Variants in CASK observed in about 807,000 individuals in gnomAD.
CASK encodes the protein peripheral plasma membrane protein CASK.
Under a neutral mutation model 82.9 loss-of-function variants are expected in CASK, and 4 were observed. The ratio of observed to expected loss-of-function variants is 0.05; its 90% CI spans 0.02 to 0.11. The LOEUF (loss-of-function observed/expected upper bound fraction) is 0.11. Among genes scored for constraint, CASK ranks in the 10% least tolerant of loss-of-function variants. The pLI is 1.00. For synonymous variants in CASK, 259 were observed against 253.5 expected (o/e 1.02, Z -0.20); for missense variants, 358 against 720.9 (o/e 0.50, Z 5.76).
intron 5 of CASK, among the ~76,000 whole-genome samples, chrX:41,734,698 C>T (rs935835970): frequency 9.0e-6 from 1 of 111,099 alleles, no homozygotes; most frequent in African/African-American, 3.3e-5. Flanking sequence ...TGTTTGGAGA[C>T]ATTTTTGGTT....
intron 5 of CASK, among the ~76,000 whole-genome samples, chrX:41,688,818 G>A (rs1003260319): frequency 2.1e-4 from 23 of 109,328 alleles, no homozygotes; most frequent in African/African-American, 7.7e-4. Context: ...CTAAAGTTCA[G>A]TGTTGGTTGA....
chrX:41,876,003 G>C (rs1206562291), intron 1 of CASK, among the ~76,000 whole-genome samples: 1 of 111,294 alleles, frequency 9.0e-6, no homozygotes, highest in Non-Finnish European at 1.9e-5. Context: ...AATCCAAGTA[G>C]TCAAAAGCAT....
intron 3 of CASK, among the ~76,000 whole-genome samples, chrX:41,771,391 T>C (rs908026131): frequency 6.3e-5 from 7 of 111,839 alleles, no homozygotes; most frequent in African/African-American, 2.3e-4. Context: ...TTAGAGATGC[T>C]GAAAGAATAA....
At chrX:41,819,021 CA>C (rs1165079390) in intron 2 of CASK, among the ~76,000 whole-genome samples, 1 of 111,413 alleles carries the variant, frequency 9.0e-6, no homozygotes, top group Non-Finnish European at 1.9e-5. Context: ...ATTCATAAAA[CA>C]ATACGTCGAC....
chrX:41,875,282 T>C (rs1209264936), intron 1 of CASK, among the ~76,000 whole-genome samples: 2 of 111,905 alleles, frequency 1.8e-5, no homozygotes, highest in African/African-American at 3.2e-5. Flanking sequence ...TTTCAGTGAG[T>C]CTTCTTTACC....
At chrX:41,609,009 T>C (rs1387683642) in intron 12 of CASK, among the ~76,000 whole-genome samples, 1 of 112,727 alleles carries the variant, frequency 8.9e-6, no homozygotes, top group African/African-American at 3.2e-5. Flanking sequence ...CACATACCAC[T>C]TGCATGCATT....
chrX:41,792,010 T>C (rs948458196), intron 2 of CASK, among the ~76,000 whole-genome samples: 3 of 111,459 alleles, frequency 2.7e-5, no homozygotes, highest in African/African-American at 9.8e-5. Flanking sequence ...GAAATCAACC[T>C]GCCATATGGC....
At chrX:41,908,354 C>T (rs899404907) in intron 1 of CASK, among the ~76,000 whole-genome samples, 5 of 111,945 alleles carry the variant, frequency 4.5e-5, no homozygotes, top group African/African-American at 9.8e-5. Flanking sequence ...CCAGCCTGGG[C>T]GACAGAACAA....
At chrX:41,823,564 G>A (rs5963277) in intron 2 of CASK, among the ~76,000 whole-genome samples, 1,142 of 110,717 alleles carry the variant, frequency 0.01, 14 homozygotes, top group African/African-American at 0.035. Flanking sequence ...GTGCAATACC[G>A]AAATTGCTCT....
chrX:41,655,138 A>T (rs2066917126), intron 8 of CASK, among the ~76,000 whole-genome samples: 1 of 111,111 alleles, frequency 9.0e-6, no homozygotes, highest in African/African-American at 3.3e-5. Flanking sequence ...GGTGGAGAAC[A>T]CTTCCCCTAC....
At chrX:41,588,719 C>G (rs562016889) in intron 13 of CASK, among the ~76,000 whole-genome samples, 4 of 103,004 alleles carry the variant, frequency 3.9e-5, no homozygotes, top group African/African-American at 1.4e-4. Context: ...TTTATTTGCA[C>G]AAAGACTGAC....
chrX:41,838,211 A>G (rs951708662), intron 2 of CASK, among the ~76,000 whole-genome samples: 8 of 111,658 alleles, frequency 7.2e-5, no homozygotes, highest in African/African-American at 2.6e-4. Flanking sequence ...TGTGGCTTTA[A>G]TTTGCATTTC....
intron 9 of CASK, among the ~76,000 whole-genome samples, chrX:41,630,792 A>G (rs906159624): frequency 2.7e-5 from 3 of 111,765 alleles, no homozygotes; most frequent in African/African-American, 9.8e-5. Context: ...AAAAGCCCTA[A>G]AAAGGGTGGA....
chrX:41,772,477 TG>T (rs1289808747), intron 3 of CASK, among the ~76,000 whole-genome samples: 1 of 108,513 alleles, frequency 9.2e-6, no homozygotes, highest in African/African-American at 3.4e-5. Flanking sequence ...GTATCAAGAA[TG>T]AAAAAGAAGA....
At chrX:41,583,281 A>C (rs2065608280) in intron 14 of CASK, among the ~76,000 whole-genome samples, 1 of 111,435 alleles carries the variant, frequency 9.0e-6, no homozygotes, top group Non-Finnish European at 1.9e-5. Context: ...AGCCGTAATG[A>C]TTTTGATGAA....
intron 2 of CASK, among the ~76,000 whole-genome samples, chrX:41,804,139 G>A (rs948527962): frequency 1.5e-4 from 17 of 111,439 alleles, no homozygotes; most frequent in African/African-American, 5.5e-4. Context: ...TTTGAGGTCA[G>A]GAGTACGAGA....
chrX:41,745,002 C>G (rs2068663614), intron 4 of CASK, among the ~76,000 whole-genome samples: 1 of 111,462 alleles, frequency 9.0e-6, no homozygotes, highest in African/African-American at 3.3e-5. Context: ...GTATTATAAA[C>G]CCACGTTTTC....
intron 18 of CASK, chrX:41,558,938 AG>A (rs2065191881): frequency 8.9e-6 from 1 of 112,143 alleles, no homozygotes; most frequent in African/African-American, 3.2e-5. Context: ...AATAAACTTT[AG>A]GAAGTGTGTA....
intron 2 of CASK, among the ~76,000 whole-genome samples, chrX:41,813,517 G>A (rs2070348205): frequency 9.0e-6 from 1 of 111,450 alleles, no homozygotes; most frequent in African/African-American, 3.3e-5. Context: ...AATAAATGGT[G>A]CTGGGAAAAC....
Sources: allele counts gnomAD v4.1 joint callset (sites outside exome capture counted in the v4.1 genomes callset), GRCh38; gene constraint gnomAD v4.1.1; transcripts MANE v1.5; gene names NCBI Gene and HGNC (gene_info 2026-07-23, HGNC 2026-07-21).